The following CHST8 variants were observed in gnomAD, a reference collection of about 807,000 sequenced individuals.
The protein encoded by CHST8 is GALNAC-4-ST1.
Under a neutral mutation model 15.0 loss-of-function variants are expected in CHST8, and 10 were observed. The observed-to-expected ratio is 0.67, with a 90% confidence interval of 0.41 to 1.13. CHST8 has a LOEUF of 1.13. Among genes scored for constraint, CHST8 ranks in the 50% most tolerant of loss-of-function variants. The pLI is 0.00. For missense variants in CHST8, 634 were observed against 608.2 expected, an observed-to-expected ratio of 1.04 and a Z score of -0.45; for synonymous variants, 259 against 256.6, an observed-to-expected ratio of 1.01 and a Z score of -0.09.
intron 3 of CHST8, among the ~76,000 whole-genome samples, chr19:33,736,154 T>C (rs1974080091): frequency 6.6e-6 from 1 of 152,196 alleles, no homozygotes; most frequent in South Asian, 2.1e-4. Context: ...CTCAGGATGC[T>C]GTTGAACTGA....
At chr19:33,732,017 A>G (rs917687463) in intron 3 of CHST8, among the ~76,000 whole-genome samples, 7 of 152,164 alleles carry the variant, frequency 4.6e-5, no homozygotes, top group Admixed American at 2.6e-4. Flanking sequence ...TCACACTGGG[A>G]CAGCTGCGTC....
intron 3 of CHST8, among the ~76,000 whole-genome samples, chr19:33,763,473 C>T (rs1974775375): frequency 6.6e-6 from 1 of 152,216 alleles, no homozygotes; most frequent in Non-Finnish European, 1.5e-5. Context: ...CCAGGAACAG[C>T]CGGCTCCTGT....
chr19:33,690,415 G>A (rs1454321010), intron 3 of CHST8, among the ~76,000 whole-genome samples: 8 of 152,256 alleles, frequency 5.3e-5, no homozygotes, highest in South Asian at 2.1e-4. Flanking sequence ...CAACCGCTCC[G>A]CCCCCATTAT....
At chr19:33,709,571 G>A (rs1335179085) in intron 3 of CHST8, among the ~76,000 whole-genome samples, 4 of 150,742 alleles carry the variant, frequency 2.7e-5, no homozygotes, top group East Asian at 1.9e-4. Context: ...TGGTCATGGT[G>A]TATAATCCTT....
At chr19:33,762,324 C>T (rs936040459) in intron 3 of CHST8, among the ~76,000 whole-genome samples, 4 of 152,146 alleles carry the variant, frequency 2.6e-5, no homozygotes, top group Admixed American at 6.5e-5. Context: ...GCGGGACAGC[C>T]GTTGGGTTTG....
At chr19:33,673,211 C>A (rs1276534395) in intron 2 of CHST8, among the ~76,000 whole-genome samples, 1 of 152,200 alleles carries the variant, frequency 6.6e-6, no homozygotes, top group Non-Finnish European at 1.5e-5. Flanking sequence ...AGATATCGAT[C>A]AGTGCCTCTG....
intron 3 of CHST8, among the ~76,000 whole-genome samples, chr19:33,693,902 C>A (rs1315031018): frequency 6.6e-6 from 1 of 151,530 alleles, no homozygotes; most frequent in Non-Finnish European, 1.5e-5. Flanking sequence ...AGGGGTTACA[C>A]AGTGGCAATG....
intron 1 of CHST8, among the ~76,000 whole-genome samples, chr19:33,643,943 T>C (rs1972316557): frequency 6.6e-6 from 1 of 152,192 alleles, no homozygotes; most frequent in Non-Finnish European, 1.5e-5. Flanking sequence ...ATTAATTTTT[T>C]ATTTTTTGAA....
intron 3 of CHST8, among the ~76,000 whole-genome samples, chr19:33,735,324 G>A (rs546933519): frequency 1.3e-5 from 2 of 152,336 alleles, no homozygotes; most frequent in African/African-American, 4.8e-5. Context: ...CAGGTTTCAG[G>A]AGGAAACTCA....
intron 2 of CHST8, among the ~76,000 whole-genome samples, chr19:33,683,115 G>T (rs569667433): frequency 6.6e-6 from 1 of 152,288 alleles, no homozygotes; most frequent in Admixed American, 6.5e-5. Flanking sequence ...CCAAGGGGAT[G>T]GCACCATGCC....
intron 2 of CHST8, among the ~76,000 whole-genome samples, chr19:33,684,258 G>A (rs1159045101): frequency 6.6e-6 from 1 of 152,204 alleles, no homozygotes; most frequent in African/African-American, 2.4e-5. Flanking sequence ...GCAGAGCATG[G>A]GGCTGGGGGG....
intron 3 of CHST8, among the ~76,000 whole-genome samples, chr19:33,710,053 G>A (rs1421819454): frequency 2.6e-5 from 4 of 152,280 alleles, no homozygotes; most frequent in South Asian, 2.1e-4. Context: ...TCTTGAGTCA[G>A]CTCTAGTAAT....
chr19:33,716,091 C>T (rs988379332), intron 3 of CHST8, among the ~76,000 whole-genome samples: 1 of 152,212 alleles, frequency 6.6e-6, no homozygotes, highest in Admixed American at 6.5e-5. Context: ...ACCTCTTAAC[C>T]TCTTTCCATA....
At chr19:33,695,184 T>C (rs1449783324) in intron 3 of CHST8, among the ~76,000 whole-genome samples, 1 of 151,998 alleles carries the variant, frequency 6.6e-6, no homozygotes, top group Non-Finnish European at 1.5e-5. Context: ...TGGGCTCAAG[T>C]GATCTCCCGC....
intron 3 of CHST8, among the ~76,000 whole-genome samples, chr19:33,709,530 T>G (rs1218065116): frequency 6.6e-6 from 1 of 152,244 alleles, no homozygotes; most frequent in East Asian, 1.9e-4. Context: ...TATTGATACA[T>G]TAGCCTCACA....
rs139003278 is a variant in CHST8, at chr19:33,770,070, C to T, written c.131-1343C>T. Among the ~76,000 whole-genome samples, 1,274 of 152,258 alleles carry T rather than the reference C, an allele frequency of 8.4e-3. 10 individuals are homozygous for T. Among genetic ancestry groups the T allele is most frequent in the Admixed American group, 0.011 (174 of 15,306 alleles). On this transcript the variant is annotated intron_variant, in intron 3 of 4. Coordinates refer to ENST00000650847, the MANE Select transcript of CHST8 (RefSeq NM_001127895.2). ...AATGACTGAAGGAGACGTGCGGGCA[C>T]GGCCTCAGCCTTACATTGTCTGGGG...
chr19:33,680,693 C>A (rs1050415709), intron 2 of CHST8, among the ~76,000 whole-genome samples: 1 of 152,118 alleles, frequency 6.6e-6, no homozygotes, highest in Admixed American at 6.5e-5. Flanking sequence ...AAAGATCAAC[C>A]AGTAGTTGCT....
At chr19:33,697,716 G>T (rs1190003984) in intron 3 of CHST8, among the ~76,000 whole-genome samples, 1 of 152,232 alleles carries the variant, frequency 6.6e-6, no homozygotes, top group Non-Finnish European at 1.5e-5. Context: ...AGCACTTGGG[G>T]TACCCAGTAT....
chr19:33,662,526 G>A (rs749019258), intron 1 of CHST8, among the ~76,000 whole-genome samples: 18 of 152,184 alleles, frequency 1.2e-4, no homozygotes, highest in Non-Finnish European at 2.5e-4. Flanking sequence ...CAATGCTGTG[G>A]TCCCTGGCTC....
Sources: allele counts gnomAD v4.1 joint callset (sites outside exome capture counted in the v4.1 genomes callset), GRCh38; gene constraint gnomAD v4.1.1; transcripts MANE v1.5; gene names NCBI Gene and HGNC (gene_info 2026-07-23, HGNC 2026-07-21).